TANK: variants seen among roughly 807,000 people sequenced by gnomAD.
TANK encodes the protein TRAF family member-associated NF-kappa-B activator.
In TANK, 15 loss-of-function variants were observed where a neutral mutation model predicts 43.6. The ratio of observed to expected loss-of-function variants is 0.34; its 90% CI spans 0.23 to 0.53. TANK has a LOEUF of 0.53. Ranked by LOEUF, TANK falls within the 20% of genes least tolerant of loss-of-function variation. The pLI is 0.94. For missense variants in TANK, 417 were observed against 498.6 expected, an observed-to-expected ratio of 0.84 and a Z score of 1.56; for synonymous variants, 162 against 178.2, an observed-to-expected ratio of 0.91 and a Z score of 0.73.
At chr2:161,178,294 C>G (rs1685257123) in intron 1 of TANK, among the ~76,000 whole-genome samples, 2 of 152,054 alleles carry the variant, frequency 1.3e-5, no homozygotes, top group South Asian at 4.1e-4. Flanking sequence ...CAACATGTTG[C>G]ATATCTTACA....
chr2:161,160,746 C>G, intron 1 of TANK: 1 of 563,480 alleles, frequency 1.8e-6, no homozygotes, highest in Non-Finnish European at 3.4e-6. Flanking sequence ...CGGCCTCTGC[C>G]CCAACGGCTT....
At chr2:161,148,920 G>A (rs571505888) in intron 1 of TANK, among the ~76,000 whole-genome samples, 27 of 152,208 alleles carry the variant, frequency 1.8e-4, no homozygotes, top group African/African-American at 5.8e-4. Flanking sequence ...TTGAAATTGG[G>A]AAGCGTGAGT....
At chr2:161,230,656 T>C (rs1687863547) in intron 6 of TANK, among the ~76,000 whole-genome samples, 1 of 152,256 alleles carries the variant, frequency 6.6e-6, no homozygotes, top group Non-Finnish European at 1.5e-5. Flanking sequence ...GACAAAATGT[T>C]TAAATGTATA....
At chr2:161,217,534 T>C (rs1687167576) in intron 4 of TANK, among the ~76,000 whole-genome samples, 1 of 151,810 alleles carries the variant, frequency 6.6e-6, no homozygotes, top group South Asian at 2.1e-4. Flanking sequence ...CATTTTTTAC[T>C]CTCCTCCAAT....
intron 1 of TANK, among the ~76,000 whole-genome samples, chr2:161,149,687 G>A (rs764479054): frequency 2.6e-5 from 4 of 151,140 alleles, no homozygotes; most frequent in Non-Finnish European, 5.9e-5. Flanking sequence ...GAGGAATCAT[G>A]GAAGGGTGTT....
upstream of TANK, among the ~76,000 whole-genome samples, chr2:161,157,560 TCAAAGA>T: frequency 6.6e-6 from 1 of 152,356 alleles, no homozygotes; most frequent in Admixed American, 6.5e-5. Flanking sequence ...ATATTGCACA[TCAAAGA>T]TTTGACTGAG....
intron 7 of TANK, among the ~76,000 whole-genome samples, chr2:161,231,931 CT>C (rs542391015): frequency 1.3e-5 from 2 of 152,166 alleles, no homozygotes; most frequent in Non-Finnish European, 2.9e-5. Flanking sequence ...TCATATTCAT[CT>C]TTATAAGAAT....
At chr2:161,191,392 G>A (rs768072669) in intron 2 of TANK, among the ~76,000 whole-genome samples, 1 of 152,110 alleles carries the variant, frequency 6.6e-6, no homozygotes, top group Non-Finnish European at 1.5e-5. Flanking sequence ...TCCTTTCAGA[G>A]TATGAGAATC....
At chr2:161,222,895 T>C (rs1355345050) in intron 4 of TANK, 2 of 152,036 alleles carry the variant, frequency 1.3e-5, no homozygotes, top group East Asian at 3.8e-4. Context: ...GGAGAAGATA[T>C]TAATTTTAAG....
intron 2 of TANK, among the ~76,000 whole-genome samples, chr2:161,198,898 A>C (rs1451337843): frequency 1.3e-5 from 2 of 152,218 alleles, no homozygotes; most frequent in Non-Finnish European, 2.9e-5. Flanking sequence ...GTGGGAACGT[A>C]CAGGGCTTAT....
chr2:161,178,575 A>G (rs191351143), intron 1 of TANK, among the ~76,000 whole-genome samples: 48 of 152,222 alleles, frequency 3.2e-4, no homozygotes, highest in African/African-American at 1.1e-3. Context: ...TTCCAGAATT[A>G]TCTTGATGGT....
chr2:161,208,866 A>T (rs1686761150), intron 4 of TANK, among the ~76,000 whole-genome samples: 1 of 152,234 alleles, frequency 6.6e-6, no homozygotes, highest in Non-Finnish European at 1.5e-5. Context: ...GTTCATTAGA[A>T]GCAAGTCACT....
intron 4 of TANK, among the ~76,000 whole-genome samples, chr2:161,217,474 A>G (rs537188519): frequency 1.4e-4 from 22 of 152,178 alleles, no homozygotes; most frequent in Middle Eastern, 3.4e-3. Flanking sequence ...CATCATCAGG[A>G]CAAAACCATA....
chr2:161,191,220 G>A (rs1248790677), intron 2 of TANK, among the ~76,000 whole-genome samples: 1 of 152,130 alleles, frequency 6.6e-6, no homozygotes, highest in African/African-American at 2.4e-5. Context: ...GGGAGGTAAA[G>A]ACAAAACAGA....
chr2:161,179,411 A>AACATTAG, intron 1 of TANK: 1 of 438,396 alleles, frequency 2.3e-6, no homozygotes, highest in Non-Finnish European at 3.9e-6. Context: ...TTGCTCCTTG[A>AACATTAG]ACATTAGAAT....
intron 1 of TANK, among the ~76,000 whole-genome samples, chr2:161,167,647 G>GAA (rs1684746002): frequency 6.6e-6 from 1 of 151,630 alleles, no homozygotes; most frequent in Admixed American, 6.6e-5. Flanking sequence ...TTTTGAGATG[G>GAA]AGTCTCTCTC....
chr2:161,212,733 G>A (rs1686946422), intron 4 of TANK: 1 of 985,066 alleles, frequency 1.0e-6, no homozygotes, highest in Non-Finnish European at 1.2e-6. Flanking sequence ...GAATAGAGTC[G>A]ATAAGAGTCT....
intron 1 of TANK, among the ~76,000 whole-genome samples, chr2:161,151,260 G>A (rs1234745703): frequency 1.3e-5 from 2 of 152,040 alleles, no homozygotes; most frequent in African/African-American, 2.4e-5. Context: ...TTTTTGGGGT[G>A]GAATGCTCTA....
intron 1 of TANK, among the ~76,000 whole-genome samples, chr2:161,145,492 T>C (rs2105218343): frequency 6.6e-6 from 1 of 152,052 alleles, no homozygotes; most frequent in East Asian, 1.9e-4. Context: ...CTTTCCATAG[T>C]TAGTGCTTCC....
Sources: gnomAD v4.1 joint callset for allele counts (sites outside exome capture counted in the v4.1 genomes callset) on GRCh38, gnomAD v4.1.1 for gene constraint, MANE v1.5 for transcripts, NCBI Gene and HGNC (gene_info 2026-07-23, HGNC 2026-07-21) for gene names.